Variants in DDAH1 observed in about 807,000 individuals in gnomAD.
DDAH1 encodes the protein dimethylarginine dimethylaminohydrolase 1, also known as N(G),N(G)-dimethylarginine dimethylaminohydrolase 1.
A neutral mutation model predicts 28.8 loss-of-function variants in DDAH1; 19 were observed. That is an observed-to-expected ratio of 0.66 (90% confidence interval 0.46 to 0.97). The LOEUF (loss-of-function observed/expected upper bound fraction) is 0.97. Ranked by LOEUF, DDAH1 falls within the 50% of genes least tolerant of loss-of-function variation. The pLI, the probability that DDAH1 is intolerant of heterozygous loss-of-function variation, is 0.00. For synonymous variants in DDAH1, 153 were observed against 154.4 expected (o/e 0.99, Z 0.07); for missense variants, 326 against 375.9 (o/e 0.87, Z 1.10).
At chr1:85,544,265 C>A (rs1297303832) in intron 1 of DDAH1, among the ~76,000 whole-genome samples, 1 of 152,162 alleles carries the variant, frequency 6.6e-6, no homozygotes, top group Non-Finnish European at 1.5e-5. Flanking sequence ...CAGGGAAGAG[C>A]TGAGGTTAAT....
chr1:85,409,151 A>C (rs1415660602), intron 1 of DDAH1, among the ~76,000 whole-genome samples: 1 of 152,084 alleles, frequency 6.6e-6, no homozygotes, highest in African/African-American at 2.4e-5. Flanking sequence ...TTTTTAGCTC[A>C]CCAGCTATTG....
At chr1:85,499,437 G>A (rs1043522934) in intron 1 of DDAH1, among the ~76,000 whole-genome samples, 9 of 152,166 alleles carry the variant, frequency 5.9e-5, no homozygotes, top group African/African-American at 9.7e-5. Flanking sequence ...CACTTTGGGA[G>A]GCCAAGGTGG....
chr1:85,352,831 A>G (rs1171662785), intron 2 of DDAH1, among the ~76,000 whole-genome samples: 2 of 151,844 alleles, frequency 1.3e-5, no homozygotes, highest in East Asian at 3.9e-4. Context: ...TAAAAGTCAC[A>G]GTTTCCATGA....
At chr1:85,521,666 G>A in intron 1 of DDAH1, 1 of 984,532 alleles carries the variant, frequency 1.0e-6, no homozygotes, top group Non-Finnish European at 1.2e-6. Context: ...CAGCTGTGCT[G>A]CCTGGCAAAT....
chr1:85,537,034 A>T (rs1439423308), intron 1 of DDAH1, among the ~76,000 whole-genome samples: 1 of 149,776 alleles, frequency 6.7e-6, no homozygotes, highest in African/African-American at 2.4e-5. Context: ...ACACAGTGGA[A>T]TACTATTCAG....
intron 1 of DDAH1, among the ~76,000 whole-genome samples, chr1:85,509,622 A>G (rs1657152150): frequency 6.6e-6 from 1 of 152,202 alleles, no homozygotes; most frequent in African/African-American, 2.4e-5. Flanking sequence ...AACTAGAATA[A>G]ACAATGTAGA....
chr1:85,325,631 C>T (rs1464365553), intron 4 of DDAH1, among the ~76,000 whole-genome samples: 1 of 151,374 alleles, frequency 6.6e-6, no homozygotes, highest in African/African-American at 2.4e-5. Flanking sequence ...ACCTACTTGG[C>T]AGGTCTGTTC....
At chr1:85,430,356 T>G (rs1051331012) in intron 1 of DDAH1, among the ~76,000 whole-genome samples, 1 of 152,218 alleles carries the variant, frequency 6.6e-6, no homozygotes, top group Non-Finnish European at 1.5e-5. Flanking sequence ...TTGTTCTTTT[T>G]GCTTAGAATT....
intron 2 of DDAH1, among the ~76,000 whole-genome samples, chr1:85,472,757 G>A (rs534657968): frequency 1.3e-5 from 2 of 152,210 alleles, no homozygotes; most frequent in South Asian, 2.1e-4. Flanking sequence ...GTACATGTGC[G>A]GGTTTGTGAC....
chr1:85,388,095 C>G (rs1204408394), intron 1 of DDAH1, among the ~76,000 whole-genome samples: 1 of 152,186 alleles, frequency 6.6e-6, no homozygotes, highest in Non-Finnish European at 1.5e-5. Context: ...ACACCTCCCA[C>G]TAGGCTTCAC....
At chr1:85,430,988 T>C (rs1396958973) in intron 1 of DDAH1, among the ~76,000 whole-genome samples, 1 of 152,212 alleles carries the variant, frequency 6.6e-6, no homozygotes, top group Non-Finnish European at 1.5e-5. Flanking sequence ...AAGGGAATGC[T>C]TCCAGCTTTT....
intron 1 of DDAH1, among the ~76,000 whole-genome samples, chr1:85,559,956 C>T (rs975927291): frequency 6.6e-6 from 1 of 151,722 alleles, no homozygotes; most frequent in Admixed American, 6.6e-5. Context: ...AAAGAATAAA[C>T]CCACAGATCC....
intron 2 of DDAH1, among the ~76,000 whole-genome samples, chr1:85,352,560 A>T (rs1649276828): frequency 6.6e-6 from 1 of 152,064 alleles, no homozygotes; most frequent in African/African-American, 2.4e-5. Flanking sequence ...ATCTTTGCAA[A>T]TATTTATTCC....
intron 2 of DDAH1, among the ~76,000 whole-genome samples, chr1:85,472,615 T>A (rs971140358): frequency 6.6e-6 from 1 of 152,158 alleles, no homozygotes; most frequent in African/African-American, 2.4e-5. Context: ...CATTAGGGGC[T>A]AATGAGATAA....
Position 85,535,385 on chromosome 1 carries a change from C to T in DDAH1, c.-122-39104G>A, listed in dbSNP as rs202124671. 5.6e-3 allele frequency among the ~76,000 whole-genome samples: 698 copies of T among 125,616 alleles called. 9 individuals are homozygous for T. The highest frequency in any genetic ancestry group is 0.021 in the African/African-American group (660 of 32,192). 82.4% of individuals were successfully genotyped at this position (125,616 alleles called of 152,430 possible). A position where few individuals can be genotyped will look rare whatever the true frequency, so the allele number is the denominator to read the frequency against. On this transcript the variant is annotated intron_variant, in intron 1 of 6. Transcript: ENST00000426972. ...AACTCTTACATTCTAACCTAAATCC[C>T]GCACGTTCTAGTTTCAGCCCATTTC...
upstream of DDAH1, among the ~76,000 whole-genome samples, chr1:85,465,483 T>C (rs1047166105): frequency 6.6e-6 from 1 of 152,208 alleles, no homozygotes; most frequent in Non-Finnish European, 1.5e-5. Context: ...AGAGCCGGCC[T>C]CGGTCTGGAC....
intron 2 of DDAH1, among the ~76,000 whole-genome samples, chr1:85,473,028 A>C (rs1391429981): frequency 6.6e-6 from 1 of 152,230 alleles, no homozygotes; most frequent in African/African-American, 2.4e-5. Context: ...CTCCAGCTGC[A>C]TCCATGTTGT....
chr1:85,377,463 C>G (rs923934219), intron 1 of DDAH1, among the ~76,000 whole-genome samples: 1 of 151,978 alleles, frequency 6.6e-6, no homozygotes, highest in African/African-American at 2.4e-5. Flanking sequence ...CTAACCAAAC[C>G]CAAAGGCCAC....
chr1:85,480,012 A>T (rs1655955587), intron 2 of DDAH1, among the ~76,000 whole-genome samples: 1 of 152,220 alleles, frequency 6.6e-6, no homozygotes, highest in Non-Finnish European at 1.5e-5. Context: ...CTCTCATAGG[A>T]ACAACTATGA....
Sources: gnomAD v4.1 joint callset for allele counts (sites outside exome capture counted in the v4.1 genomes callset) on GRCh38, gnomAD v4.1.1 for gene constraint, MANE v1.5 for transcripts, NCBI Gene and HGNC (gene_info 2026-07-23, HGNC 2026-07-21) for gene names.